USP6NL: variants seen among roughly 807,000 people sequenced by gnomAD.
USP6NL encodes the protein USP6 N-terminal-like protein.
In USP6NL, 26 loss-of-function variants were observed where a neutral mutation model predicts 61.9. The observed-to-expected ratio is 0.42, with a 90% CI of 0.31 to 0.58. USP6NL has a LOEUF of 0.58. USP6NL is among the 20% of genes least tolerant of loss of function. The pLI is 0.16. For synonymous variants in USP6NL, 432 were observed against 390.1 expected (o/e 1.11, Z -1.27); for missense variants, 1,114 against 1,034.3 (o/e 1.08, Z -1.06).
In USP6NL at chr10:11,533,272, T is replaced by C. The variant is rs143290863; in HGVS notation, c.5-5705A>G. Reference sequence around the variant, plus strand: ...ATTTCCAAAGTTAAGAGCAAAAAATTATCATGAACTTGGAATTCTATACCA... The same window carrying C: ...ATTTCCAAAGTTAAGAGCAAAAAATCATCATGAACTTGGAATTCTATACCA... On this transcript the variant is annotated intron_variant, in intron 2 of 14. Transcript: ENST00000609104. Among the ~76,000 whole-genome samples the C allele has an allele frequency of 4.3e-4, 66 of 152,238 alleles. 1 individual carries two copies. In the East Asian group the frequency reaches 0.012, roughly 27 times the overall value.
rs1566103991 is a variant in USP6NL, at chr10:11,460,655, A to ATAT, written c.*1785_*1786insATA. On this transcript the variant is annotated 3_prime_UTR_variant, in exon 15 of 15. Transcript: ENST00000609104. ...TATATATATATATATATATATATAT[A>ATAT]AAAATCTACAGTATTTACCACTGTT... The ATAT allele has an allele frequency of 7.9e-6, 1 of 127,264 alleles. No individual in the cohort carries two copies. Among genetic ancestry groups the ATAT allele is most frequent in the African/African-American group, 3.1e-5 (1 of 32,532 alleles). 7.9% of individuals were successfully genotyped at this position (127,264 alleles called of 1,614,324 possible).
In USP6NL at chr10:11,461,018, C is replaced by G. The variant is rs1447800842; in HGVS notation, c.*1423G>C. On this transcript the variant is annotated 3_prime_UTR_variant, in exon 15 of 15. Transcript: ENST00000609104. ...TCACTAGCTAAACAAACGTTACTTC[C>G]ATTTTAAAAGACATACTTTTGTACC... 6.6e-6 allele frequency: 1 copy of G among 152,226 alleles called. No individual in the cohort carries two copies. The highest frequency in any genetic ancestry group is 2.4e-5 in the African/African-American group (1 of 41,440). 9.4% of individuals were successfully genotyped at this position (152,226 alleles called of 1,614,324 possible).
intron 3 of USP6NL, 128 bp downstream of exon 3, chr10:11,527,372 G>T: frequency 2.7e-6 from 2 of 741,844 alleles, no homozygotes; most frequent in South Asian, 1.8e-5. Flanking sequence ...CAGCGAAGAT[G>T]ATCTCTATGT....
In USP6NL at chr10:11,597,664, A is replaced by G; in HGVS notation, c.-30T>C. On this transcript the variant is annotated 5_prime_UTR_variant, in exon 2 of 15. Transcript: ENST00000609104. This position sits in a 1 kb window ranked among gnomAD's most constrained non-coding sequence, Gnocchi z 4.6. ...GGAAATGGGTCTGAATGTTGTCCCA[A>G]TCAGATATTAAACCAAAATCTGCTG... 2 of 1,550,382 alleles carry G rather than the reference A, an allele frequency of 1.3e-6. No homozygotes were observed. The highest frequency in any genetic ancestry group is 1.7e-6 in the Non-Finnish European group (2 of 1,145,814).
intron 2 of USP6NL, among the ~76,000 whole-genome samples, chr10:11,529,496 G>T (rs557148898): frequency 3.2e-4 from 49 of 152,328 alleles, no homozygotes; most frequent in South Asian, 1.0e-3. Context: ...GTGGGAAGTT[G>T]TAAATTTGTA....
chr10:11,526,642 G>A (rs1292778076), intron 3 of USP6NL, among the ~76,000 whole-genome samples: 1 of 152,206 alleles, frequency 6.6e-6, no homozygotes, highest in Non-Finnish European at 1.5e-5. Flanking sequence ...GCAGGACACA[G>A]TGCAGGTGAC....
chr10:11,604,824 G>C (rs192211939), intron 1 of USP6NL, among the ~76,000 whole-genome samples: 35 of 152,198 alleles, frequency 2.3e-4, no homozygotes, highest in Admixed American at 2.6e-4. Context: ...TTCTACCTAA[G>C]AGATAAATAA....
At position 11,463,970 on chromosome 10, in the gene USP6NL, C is replaced by T; in HGVS notation, c.1079-121G>A. 2 of 931,872 alleles carry T rather than the reference C, an allele frequency of 2.1e-6. No individual in the cohort carries two copies. The highest frequency in any genetic ancestry group is 3.0e-5 in the Admixed American group (1 of 33,176). 57.7% of individuals were successfully genotyped at this position (931,872 alleles called of 1,614,324 possible). ...TGCACAGATACACGCTGACATACAACACACTGTCATACAACACACTGTTTA... is the reference window on the plus strand; with the variant it reads ...TGCACAGATACACGCTGACATACAATACACTGTCATACAACACACTGTTTA... On this transcript the variant is annotated intron_variant, in intron 14 of 14. Transcript: ENST00000609104. The surrounding 1 kb of genome is among the most constrained non-coding windows in gnomAD (Gnocchi z 6.3).
intron 7 of USP6NL, among the ~76,000 whole-genome samples, chr10:11,494,550 A>T (rs117378996): frequency 0.029 from 4,420 of 152,294 alleles, 82 homozygotes; most frequent in Middle Eastern, 0.051. Flanking sequence ...CCAGGGGACC[A>T]CTACTACCAA....
At chr10:11,577,216 C>A (rs1052727211) in intron 2 of USP6NL, among the ~76,000 whole-genome samples, 25 of 151,646 alleles carry the variant, frequency 1.6e-4, no homozygotes, top group Non-Finnish European at 2.9e-4. Flanking sequence ...TGCCACCAGG[C>A]CAGATGCCAG....
intron 10 of USP6NL, among the ~76,000 whole-genome samples, chr10:11,488,470 A>C (rs887527266): frequency 7.2e-5 from 11 of 152,200 alleles, no homozygotes; most frequent in Non-Finnish European, 1.5e-4. Context: ...AAAACAAGGA[A>C]ACAGTTATTA....
rs569535633 is a variant in USP6NL, at chr10:11,597,139, A to C, written c.4+492T>G. Among the ~76,000 whole-genome samples, 4 of 152,330 alleles carry C rather than the reference A, an allele frequency of 2.6e-5. No individual in the cohort carries two copies. The East Asian group carries it at 5.8e-4, about 22-fold the overall frequency. Reference sequence around the variant, plus strand: ...ATATTACATATACTATCCCCTTACAACTAAGAAGATAAAATTATCAAATGT... The same window carrying C: ...ATATTACATATACTATCCCCTTACACCTAAGAAGATAAAATTATCAAATGT... On this transcript the variant is annotated intron_variant, in intron 2 of 14. Coordinates refer to ENST00000609104, the MANE Select transcript of USP6NL (RefSeq NM_014688.5). This position sits in a 1 kb window ranked among gnomAD's most constrained non-coding sequence, Gnocchi z 4.6.
intron 2 of USP6NL, among the ~76,000 whole-genome samples, chr10:11,578,452 T>C (rs1837629360): frequency 6.6e-6 from 1 of 152,198 alleles, no homozygotes; most frequent in Non-Finnish European, 1.5e-5. Context: ...CAATTTAAGA[T>C]GATGCTTGCT....
Position 11,510,074 on chromosome 10 carries a change from G to C in USP6NL, c.196-399C>G, listed in dbSNP as rs1262690666. Among the ~76,000 whole-genome samples the C allele has an allele frequency of 6.6e-6, 1 of 152,102 alleles. No individual in the cohort carries two copies. The highest frequency in any genetic ancestry group is 6.5e-5 in the Admixed American group (1 of 15,276). The stretch of plus-strand genomic sequence containing the variant: ...TCTAGTATATTGTTGTTTTTAGCGA[G>C]AGTTTTTTAAAGGAAAAGTGGCTGT... On this transcript the variant is annotated intron_variant, in intron 5 of 14. Transcript: ENST00000609104. This position sits in a 1 kb window ranked among gnomAD's most constrained non-coding sequence, Gnocchi z 4.8.
At chr10:11,571,561 T>C (rs1463377452) in intron 2 of USP6NL, among the ~76,000 whole-genome samples, 5 of 152,118 alleles carry the variant, frequency 3.3e-5, no homozygotes, top group Non-Finnish European at 2.9e-5. Context: ...TTCATACTAT[T>C]TATAATATTA....
intron 2 of USP6NL, among the ~76,000 whole-genome samples, chr10:11,546,718 C>T (rs1294636293): frequency 6.6e-6 from 1 of 152,150 alleles, no homozygotes; most frequent in Non-Finnish European, 1.5e-5. Flanking sequence ...CTTCAGTTGG[C>T]TTTCTGTTCT....
intron 7 of USP6NL, among the ~76,000 whole-genome samples, chr10:11,500,509 G>A (rs577472188): frequency 8.6e-5 from 13 of 151,820 alleles, no homozygotes; most frequent in Non-Finnish European, 1.8e-4. Flanking sequence ...TTCAGAAAGG[G>A]TATAGCTACG....
Position 11,528,232 on chromosome 10 carries a change from G to C in USP6NL, c.5-665C>G, listed in dbSNP as rs1217306446. ...ACAACAAAAGTCGAGATCATAACAT[G>C]AAATAGTATGAATATATACCATAAG... On this transcript the variant is annotated intron_variant, in intron 2 of 14. Transcript: ENST00000609104. The surrounding 1 kb of genome is among the most constrained non-coding windows in gnomAD (Gnocchi z 4.6). 6.7e-6 allele frequency among the ~76,000 whole-genome samples: 1 copy of C among 148,548 alleles called. No individual in the cohort carries two copies. The highest frequency in any genetic ancestry group is 1.5e-5 in the Non-Finnish European group (1 of 67,366).
intron 6 of USP6NL, among the ~76,000 whole-genome samples, chr10:11,504,730 C>T (rs1244485916): frequency 6.6e-6 from 1 of 152,208 alleles, no homozygotes; most frequent in Non-Finnish European, 1.5e-5. Flanking sequence ...ATCTGTGGAG[C>T]TCACAGCGTA....
Sources: allele counts gnomAD v4.1 joint callset (sites outside exome capture counted in the v4.1 genomes callset), GRCh38; gene constraint gnomAD v4.1.1; non-coding constraint Gnocchi (gnomAD v3.1); transcripts MANE v1.5; gene names NCBI Gene and HGNC (gene_info 2026-07-23, HGNC 2026-07-21).